TPST2: variants seen among roughly 807,000 people sequenced by gnomAD.
TPST2 encodes the protein tyrosylprotein sulfotransferase 2, also known as protein-tyrosine sulfotransferase 2.
A neutral mutation model predicts 27.8 loss-of-function variants in TPST2; 16 were observed. The observed-to-expected ratio is 0.58, with a 90% CI of 0.39 to 0.88. The LOEUF is 0.88. Among genes scored for constraint, TPST2 ranks in the 40% least tolerant of loss-of-function variants. TPST2 has a pLI of 0.00. For synonymous variants in TPST2, 229 were observed against 231.7 expected, an observed-to-expected ratio of 0.99 and a Z score of 0.10; for missense variants, 464 against 543.1, an observed-to-expected ratio of 0.85 and a Z score of 1.45.
intron 5 of TPST2, among the ~76,000 whole-genome samples, chr22:26,529,632 G>A (rs906497301): frequency 2.0e-5 from 3 of 152,240 alleles, no homozygotes; most frequent in Admixed American, 6.5e-5. Context: ...TTGAGAGGCT[G>A]GGAGGGTGTC....
intron 1 of TPST2, among the ~76,000 whole-genome samples, chr22:26,570,247 T>C (rs1323534190): frequency 1.3e-5 from 2 of 151,954 alleles, no homozygotes; most frequent in Non-Finnish European, 2.9e-5. Flanking sequence ...CAATCAACAC[T>C]TGCAGGACGG....
rs1225492616 is a variant in TPST2, at chr22:26,540,836, G to A, written c.795C>T (p.Leu265=). 1.9e-6 allele frequency: 3 copies of A among 1,612,598 alleles called. No individual in the cohort carries two copies. The South Asian group carries it at 3.3e-5, about 18-fold the overall frequency. ...GCTTGCCAATGAGGTCTTCATGGTG[G>A]AGGACAGCGTCGCTCCAGGCGATGC... ...FLGIAWSDAV[L]HHEDLIGKPG... is the part of the protein sequence containing the mutation. The change falls in exon 3 of 7, where the codon CTC becomes CTT. Residue 265 remains leucine (L), a synonymous_variant. Coordinates refer to ENST00000338754, the MANE Select transcript of TPST2 (RefSeq NM_003595.5).
At chr22:26,585,506 G>T (rs1017810870) in intron 1 of TPST2, among the ~76,000 whole-genome samples, 1 of 152,172 alleles carries the variant, frequency 6.6e-6, no homozygotes, top group African/African-American at 2.4e-5. Flanking sequence ...GATCTCTGGA[G>T]GGGCCCCAGA....
chr22:26,575,769 GC>G (rs1321197326), intron 1 of TPST2, among the ~76,000 whole-genome samples: 1 of 152,196 alleles, frequency 6.6e-6, no homozygotes, highest in Non-Finnish European at 1.5e-5. Flanking sequence ...GCCAAGGTGG[GC>G]GGATCATGAG....
intron 1 of TPST2, among the ~76,000 whole-genome samples, chr22:26,550,044 A>AAC (rs1414162866): frequency 8.0e-6 from 1 of 124,718 alleles, no homozygotes; most frequent in Non-Finnish European, 1.7e-5. Flanking sequence ...CATCTCAAAA[A>AAC]AAAAAACAAA....
intron 3 of TPST2, among the ~76,000 whole-genome samples, chr22:26,537,372 A>G (rs1011951255): frequency 6.6e-6 from 1 of 152,238 alleles, no homozygotes; most frequent in Non-Finnish European, 1.5e-5. Flanking sequence ...TGGCAATGAT[A>G]GTAGTACCTA....
intron 1 of TPST2, among the ~76,000 whole-genome samples, chr22:26,580,212 C>A (rs1025997999): frequency 6.6e-6 from 1 of 152,050 alleles, no homozygotes; most frequent in African/African-American, 2.4e-5. Flanking sequence ...CCAGCTTGGG[C>A]AACAGAGCAA....
At chr22:26,555,901 T>C in intron 1 of TPST2, among the ~76,000 whole-genome samples, 1 of 152,314 alleles carries the variant, frequency 6.6e-6, no homozygotes, top group South Asian at 2.1e-4. Flanking sequence ...CTGCTCACAC[T>C]CTGCTCACAC....
At chr22:26,583,622 A>G (rs968906474) in intron 1 of TPST2, among the ~76,000 whole-genome samples, 1 of 151,644 alleles carries the variant, frequency 6.6e-6, no homozygotes, top group African/African-American at 2.4e-5. Context: ...TTGGGAGGCC[A>G]AGGCAGGCGG....
chr22:26,560,003 C>T (rs1029202459), intron 1 of TPST2, among the ~76,000 whole-genome samples: 3 of 152,026 alleles, frequency 2.0e-5, no homozygotes, highest in Non-Finnish European at 2.9e-5. Flanking sequence ...TGCTGTAATA[C>T]GATATAAAAT....
rs188706175 is a variant in TPST2 at position 26,552,367 on chromosome 22, G to A, written c.-160-7692C>T. 1.3e-5 allele frequency among the ~76,000 whole-genome samples: 2 copies of A among 152,274 alleles called. 1 individual carries two copies. Among genetic ancestry groups the A allele is most frequent in the Admixed American group, 1.3e-4 (2 of 15,296 alleles). On this transcript the variant is annotated intron_variant, in intron 1 of 6. Transcript: ENST00000338754. ...TTTACTCTAATGACAACCCTGGAGG[G>A]TGGGCGCTATTATTAGCCACGTTTT... is the stretch of plus-strand genomic sequence containing the variant.
intron 1 of TPST2, among the ~76,000 whole-genome samples, chr22:26,568,509 A>T (rs1398563190): frequency 6.6e-6 from 1 of 152,256 alleles, no homozygotes; most frequent in Non-Finnish European, 1.5e-5. Flanking sequence ...AAGAAGCCGG[A>T]CAAAACCGCC....
In TPST2 at chr22:26,551,866, CCTTTT is replaced by C. The variant is rs1448969042; in HGVS notation, c.-160-7196_-160-7192del. 1.1e-4 allele frequency among the ~76,000 whole-genome samples: 14 copies of C among 122,230 alleles called. No individual in the cohort carries two copies. The South Asian group carries it at 1.4e-3, about 12-fold the overall frequency. 80.2% of individuals were successfully genotyped at this position (122,230 alleles called of 152,430 possible). On this transcript the variant is annotated intron_variant, in intron 1 of 6. Coordinates refer to ENST00000338754, the MANE Select transcript of TPST2 (RefSeq NM_003595.5). ...AAAACTATTACCATTTAATTCTTTT[CCTTTT>C]CTTTTCTTTTTCTTTTTTTTTTTTT...
At position 26,524,180 on chromosome 22, in the gene TPST2, A is replaced by T. The variant is rs1157847171; in HGVS notation, c.*2095T>A. ...ACAAAAAGGGTCACACCTTCAAAAA[A>T]GCCTAATTTCCATTCCAGAGCAATC... On this transcript the variant is annotated 3_prime_UTR_variant, in exon 7 of 7. Coordinates refer to ENST00000338754, the MANE Select transcript of TPST2 (RefSeq NM_003595.5). The T allele has an allele frequency of 6.6e-6, 1 of 152,188 alleles. No individual in the cohort carries two copies. Among genetic ancestry groups the T allele is most frequent in the African/African-American group, 2.4e-5 (1 of 41,450 alleles). The allele number at this position is 152,188 out of a possible 1,614,324, so 9.4% of individuals were successfully genotyped here.
In TPST2 at chr22:26,525,476, A is replaced by G. The variant is rs1236196485; in HGVS notation, c.*799T>C. The G allele has an allele frequency of 6.6e-6, 1 of 152,226 alleles. No individual in the cohort carries two copies. The highest frequency in any genetic ancestry group is 1.5e-5 in the Non-Finnish European group (1 of 68,070). 9.4% of individuals were successfully genotyped at this position (152,226 alleles called of 1,614,324 possible). On this transcript the variant is annotated 3_prime_UTR_variant, in exon 7 of 7. Coordinates refer to ENST00000338754, the MANE Select transcript of TPST2 (RefSeq NM_003595.5). ...CGATCTGCCTGCCTTGGCCTCCCAA[A>G]GTGCTGGGATTACAGGCGTGAGCCA... is the stretch of plus-strand genomic sequence containing the variant.
intron 1 of TPST2, among the ~76,000 whole-genome samples, chr22:26,566,511 C>T (rs1163482029): frequency 2.0e-5 from 3 of 151,510 alleles, no homozygotes; most frequent in African/African-American, 7.3e-5. Flanking sequence ...TGAGATCGCG[C>T]CACTGAACTC....
intron 1 of TPST2, among the ~76,000 whole-genome samples, chr22:26,561,348 T>C (rs1052341481): frequency 6.6e-6 from 1 of 152,202 alleles, no homozygotes; most frequent in Admixed American, 6.5e-5. Context: ...CCTGTCCTGA[T>C]GGTATTTTCA....
intron 5 of TPST2, among the ~76,000 whole-genome samples, chr22:26,529,111 A>T (rs944200283): frequency 6.6e-6 from 1 of 151,852 alleles, no homozygotes; most frequent in Non-Finnish European, 1.5e-5. Flanking sequence ...CCAAGGCATG[A>T]TTAGAGGGTT....
intron 1 of TPST2, among the ~76,000 whole-genome samples, chr22:26,584,702 AG>A (rs1271984528): frequency 6.6e-6 from 1 of 152,142 alleles, no homozygotes; most frequent in Non-Finnish European, 1.5e-5. Context: ...CAAAAAAAAA[AG>A]AAAGATTCTG....
Sources: allele counts gnomAD v4.1 joint callset (sites outside exome capture counted in the v4.1 genomes callset), GRCh38; gene constraint gnomAD v4.1.1; transcripts MANE v1.5; gene names NCBI Gene and HGNC (gene_info 2026-07-23, HGNC 2026-07-21).